Variants in INTU observed in about 807,000 individuals in gnomAD.
INTU encodes inturned planar cell polarity protein.
A neutral mutation model predicts 100.5 loss-of-function variants in INTU; 68 were observed. The observed-to-expected ratio is 0.68, with a 90% CI of 0.56 to 0.83. The LOEUF (loss-of-function observed/expected upper bound fraction) is 0.83. INTU is among the 40% of genes least tolerant of loss of function. The probability of loss-of-function intolerance (pLI) is 0.00; values close to 1 mark genes in which losing one functional copy is unlikely to be tolerated. For synonymous variants in INTU, 357 were observed against 395.7 expected (o/e 0.90, Z 1.16); for missense variants, 1,071 against 1,114.7 (o/e 0.96, Z 0.56).
intron 10 of INTU, among the ~76,000 whole-genome samples, chr4:127,704,833 A>G (rs1578630838): frequency 6.6e-6 from 1 of 150,884 alleles, no homozygotes; most frequent in East Asian, 2.1e-4. Context: ...CACACCTGTA[A>G]TCCCATCACT....
intron 4 of INTU, 103 bp downstream of exon 4, chr4:127,663,687 A>G: frequency 1.2e-6 from 1 of 832,006 alleles, no homozygotes; most frequent in Non-Finnish European, 1.9e-6. Context: ...AGTATATTTG[A>G]TTTAAGCAAG....
chr4:127,698,069 G>A (rs779468734), intron 8 of INTU, among the ~76,000 whole-genome samples: 2 of 152,054 alleles, frequency 1.3e-5, no homozygotes, highest in African/African-American at 2.4e-5. Context: ...GCGGTGAGCT[G>A]AGTTCATGCC....
At chr4:127,692,456 ATTTG>A (rs1730192129) in intron 8 of INTU, among the ~76,000 whole-genome samples, 1 of 151,566 alleles carries the variant, frequency 6.6e-6, no homozygotes, top group South Asian at 2.1e-4. Flanking sequence ...TTTCTTGCTG[ATTTG>A]TTTGAGTTCC....
rs182930432 is a variant in INTU, at chr4:127,709,999, A to G, written c.2370-914A>G. On this transcript the variant is annotated intron_variant, in intron 13 of 15. Coordinates refer to ENST00000335251, the MANE Select transcript of INTU (RefSeq NM_015693.4). ...AAATTGGAACCAAACCTTTTATGGA[A>G]CCCAAAAGTACCTTCACAAAACTCT... 3.8e-3 allele frequency among the ~76,000 whole-genome samples: 575 copies of G among 152,308 alleles called. 3 individuals carry two copies. The highest frequency in any genetic ancestry group is 5.4e-3 in the South Asian group (26 of 4,828).
At chr4:127,698,614 TCTTA>T (rs746594361) in intron 8 of INTU, among the ~76,000 whole-genome samples, 7 of 152,186 alleles carry the variant, frequency 4.6e-5, no homozygotes, top group African/African-American at 7.2e-5. Context: ...TATAATGAGG[TCTTA>T]CTTTAGTTTT....
intron 7 of INTU, chr4:127,685,583 A>T: frequency 2.4e-6 from 1 of 413,396 alleles, no homozygotes; most frequent in Non-Finnish European, 4.8e-6. Context: ...AGCTACAAAG[A>T]GCTGGGCATC....
intron 1 of INTU, among the ~76,000 whole-genome samples, chr4:127,636,629 A>T (rs1316586598): frequency 6.6e-6 from 1 of 152,010 alleles, no homozygotes; most frequent in East Asian, 1.9e-4. Context: ...AAAAAAAAAA[A>T]AAATCTGTAC....
chr4:127,656,704 A>G lies in INTU; in HGVS notation c.751A>G (p.Ile251Val), dbSNP rs768291147. The change falls in exon 3 of 16, where the codon ATT (isoleucine) becomes GTT (valine). Residue 251 changes from isoleucine to valine, a missense_variant. Physicochemically the swap from Ile to Val is conservative, Grantham distance 29. Coordinates refer to ENST00000335251, the MANE Select transcript of INTU (RefSeq NM_015693.4). ...TENIERVLSC[I>V]PGPMQVKLTF... ...AAACATCGAGAGAGTTCTGTCTTGC[A>G]TTCCTGGACCTATGCAGGTATGGAC... The G allele has an allele frequency of 1.2e-6, 2 of 1,607,628 alleles. No individual in the cohort carries two copies. The highest frequency in any genetic ancestry group is 1.1e-5 in the South Asian group (1 of 90,542).
At chr4:127,715,775 G>T (rs780243025) in intron 15 of INTU, among the ~76,000 whole-genome samples, 3 of 152,192 alleles carry the variant, frequency 2.0e-5, no homozygotes, top group Non-Finnish European at 4.4e-5. Context: ...GCAGATTTAT[G>T]CAGAAGAGAA....
chr4:127,666,407 GCT>G (rs1270566848), intron 4 of INTU, among the ~76,000 whole-genome samples: 2 of 152,132 alleles, frequency 1.3e-5, no homozygotes, highest in Non-Finnish European at 2.9e-5. Flanking sequence ...ATGAGGGGAT[GCT>G]CTCCTCCAGA....
intron 4 of INTU, among the ~76,000 whole-genome samples, chr4:127,665,502 T>C (rs1206298093): frequency 6.6e-6 from 1 of 152,144 alleles, no homozygotes; most frequent in African/African-American, 2.4e-5. Context: ...TGTCTTCTTT[T>C]ACCTCTTCCT....
intron 8 of INTU, among the ~76,000 whole-genome samples, chr4:127,688,293 A>C (rs1332720507): frequency 6.6e-6 from 1 of 152,022 alleles, no homozygotes; most frequent in East Asian, 1.9e-4. Flanking sequence ...ATCTTTTTTT[A>C]CATGAACATA....
chr4:127,688,783 G>A (rs1729953561), intron 8 of INTU, among the ~76,000 whole-genome samples: 1 of 152,104 alleles, frequency 6.6e-6, no homozygotes, highest in African/African-American at 2.4e-5. Context: ...GCACATTGTA[G>A]TTGTAGTTAT....
chr4:127,663,998 C>T (rs1018175879), intron 4 of INTU, among the ~76,000 whole-genome samples: 15 of 151,968 alleles, frequency 9.9e-5, no homozygotes, highest in Non-Finnish European at 1.9e-4. Context: ...ACCAGTATCA[C>T]AATCATGATA....
chr4:127,702,596 C>G (rs1730696954), intron 9 of INTU, among the ~76,000 whole-genome samples: 1 of 152,074 alleles, frequency 6.6e-6, no homozygotes, highest in South Asian at 2.1e-4. Context: ...ATGCATTTGT[C>G]AAAACTCACA....
In INTU at chr4:127,707,693, A is replaced by T. The variant is rs991093234; in HGVS notation, c.2271+724A>T. Among the ~76,000 whole-genome samples, 21 of 152,198 alleles carry T rather than the reference A, an allele frequency of 1.4e-4. No homozygotes were observed. The East Asian group carries it at 4.1e-3, about 29-fold the overall frequency. On this transcript the variant is annotated intron_variant, in intron 12 of 15. Coordinates refer to ENST00000335251, the MANE Select transcript of INTU (RefSeq NM_015693.4). ...TGTGTGTATTATCCTATTTTTATAG[A>T]TTTTAAAATCTGAACCTTTGTAACA...
intron 1 of INTU, among the ~76,000 whole-genome samples, chr4:127,639,155 T>C (rs568257463): frequency 7.2e-5 from 11 of 152,248 alleles, no homozygotes; most frequent in Admixed American, 2.0e-4. Context: ...AACTCCAAAC[T>C]TTATTTGGCT....
chr4:127,650,010 G>T (rs978403230), intron 2 of INTU, among the ~76,000 whole-genome samples: 2 of 151,928 alleles, frequency 1.3e-5, no homozygotes, highest in African/African-American at 2.4e-5. Context: ...ATCAGATTTG[G>T]AAAACATACA....
At chr4:127,656,088 C>T (rs545829850) in intron 2 of INTU, among the ~76,000 whole-genome samples, 39 of 152,316 alleles carry the variant, frequency 2.6e-4, no homozygotes, top group Non-Finnish European at 4.4e-4. Context: ...GGCTTGCACA[C>T]GGTGTGCGCA....
Sources: gnomAD v4.1 joint callset for allele counts (sites outside exome capture counted in the v4.1 genomes callset) on GRCh38, gnomAD v4.1.1 for gene constraint, MANE v1.5 for transcripts, NCBI Gene and HGNC (gene_info 2026-07-23, HGNC 2026-07-21) for gene names.